STX8: variants seen among roughly 807,000 people sequenced by gnomAD.
STX8 encodes the protein syntaxin-8.
STX8 carries 23 observed loss-of-function variants against 37.5 expected under a neutral mutation model. That is an observed-to-expected ratio of 0.61 (90% CI 0.44 to 0.87). STX8 has a LOEUF of 0.87. Among genes scored for constraint, STX8 ranks in the 40% least tolerant of loss-of-function variants. STX8 has a pLI of 0.00. For missense variants in STX8, 313 were observed against 284.7 expected (o/e 1.10, Z -0.71); for synonymous variants, 115 against 99.1 (o/e 1.16, Z -0.95).
chr17:9,543,613 T>G (rs749587906), intron 4 of STX8, among the ~76,000 whole-genome samples: 5 of 152,190 alleles, frequency 3.3e-5, no homozygotes, highest in African/African-American at 7.2e-5. Flanking sequence ...GCGACAGTAC[T>G]TTCTTTTCAC....
chr17:9,485,631 G>A (rs1172536586), intron 6 of STX8, among the ~76,000 whole-genome samples: 1 of 151,178 alleles, frequency 6.6e-6, no homozygotes, highest in East Asian at 1.9e-4. Context: ...TGTCACCCAG[G>A]CTGGAGTGCA....
At chr17:9,327,000 A>G (rs916916020) in intron 7 of STX8, among the ~76,000 whole-genome samples, 2 of 152,084 alleles carry the variant, frequency 1.3e-5, no homozygotes, top group Non-Finnish European at 2.9e-5. Flanking sequence ...TCTACTAAAA[A>G]TACAAAATTA....
At chr17:9,529,610 T>C (rs934751567) in intron 4 of STX8, among the ~76,000 whole-genome samples, 3 of 152,222 alleles carry the variant, frequency 2.0e-5, no homozygotes, top group Non-Finnish European at 4.4e-5. Context: ...TCGTGATTTA[T>C]AACACTGTAA....
chr17:9,508,782 G>C (rs926035835), intron 4 of STX8, among the ~76,000 whole-genome samples: 28 of 152,176 alleles, frequency 1.8e-4, no homozygotes, highest in Non-Finnish European at 2.4e-4. Context: ...GAGAAAAGAA[G>C]GGCAAATGTA....
intron 4 of STX8, among the ~76,000 whole-genome samples, chr17:9,539,054 CA>C (rs1469258404): frequency 6.6e-6 from 1 of 152,190 alleles, no homozygotes; most frequent in African/African-American, 2.4e-5. Flanking sequence ...CTAAATTAGT[CA>C]ACCATTGCTT....
chr17:9,254,761 G>A (rs1360896057), intron 7 of STX8, among the ~76,000 whole-genome samples: 1 of 152,100 alleles, frequency 6.6e-6, no homozygotes, highest in East Asian at 1.9e-4. Flanking sequence ...TCTACACCAG[G>A]GACTGTGGGT....
chr17:9,366,568 G>A (rs928119330), intron 7 of STX8, among the ~76,000 whole-genome samples: 3 of 152,040 alleles, frequency 2.0e-5, no homozygotes, highest in African/African-American at 7.2e-5. Context: ...AATGAGCTCG[G>A]GCCCACGCTT....
intron 6 of STX8, among the ~76,000 whole-genome samples, chr17:9,444,897 G>C (rs1033286428): frequency 6.6e-6 from 1 of 152,120 alleles, no homozygotes; most frequent in Non-Finnish European, 1.5e-5. Context: ...GTTACAGAGG[G>C]GTCCAGCTCA....
chr17:9,340,237 CCTT>C (rs1345716833), intron 7 of STX8, among the ~76,000 whole-genome samples: 1 of 152,202 alleles, frequency 6.6e-6, no homozygotes, highest in Admixed American at 6.5e-5. Flanking sequence ...CCTCAGGTGA[CCTT>C]CTCTCATTTA....
At position 9,381,837 on chromosome 17, in the gene STX8, C is replaced by T. The variant is rs531525496; in HGVS notation, c.542-3184G>A. ...TACCAAAATTAGCTGGGCATGGTGG[C>T]GTGCGCCTGTAATTCCAGATACTTG... On this transcript the variant is annotated intron_variant, in intron 6 of 7. Transcript: ENST00000306357. Among the ~76,000 whole-genome samples, 10 of 152,214 alleles carry T rather than the reference C, an allele frequency of 6.6e-5. 1 individual carries two copies. In the South Asian group the frequency reaches 1.2e-3, roughly 19 times the overall value.
chr17:9,349,500 T>G (rs990694048), intron 7 of STX8, among the ~76,000 whole-genome samples: 22 of 151,786 alleles, frequency 1.4e-4, no homozygotes, highest in Non-Finnish European at 2.6e-4. Flanking sequence ...TTTTGTATTT[T>G]TAGTAGAGAT....
chr17:9,568,134 C>T (rs1907532383), intron 2 of STX8, among the ~76,000 whole-genome samples: 1 of 152,138 alleles, frequency 6.6e-6, no homozygotes, highest in Non-Finnish European at 1.5e-5. Context: ...CTGAACTAGA[C>T]TATAAAATTG....
intron 6 of STX8, among the ~76,000 whole-genome samples, chr17:9,481,493 GA>G (rs2142455214): frequency 6.6e-6 from 1 of 152,152 alleles, no homozygotes; most frequent in South Asian, 2.1e-4. Flanking sequence ...ACACAGCTCT[GA>G]GCTCACAGGC....
At chr17:9,267,922 C>A (rs1031711762) in intron 7 of STX8, among the ~76,000 whole-genome samples, 1 of 146,672 alleles carries the variant, frequency 6.8e-6, no homozygotes, top group East Asian at 2.0e-4. Flanking sequence ...ACCCGGGAGG[C>A]GGAGGTTGCA....
intron 6 of STX8, among the ~76,000 whole-genome samples, chr17:9,487,956 G>GAAAT (rs1327965586): frequency 6.6e-6 from 1 of 152,206 alleles, no homozygotes; most frequent in Non-Finnish European, 1.5e-5. Context: ...GCAGCACCTT[G>GAAAT]AAATCATCAG....
chr17:9,523,006 A>G (rs1184526808), intron 4 of STX8, among the ~76,000 whole-genome samples: 1 of 152,084 alleles, frequency 6.6e-6, no homozygotes, highest in African/African-American at 2.4e-5. Context: ...CACATTATAT[A>G]CATGTATCAA....
Position 9,430,183 on chromosome 17 carries a change from A to AAATATAAAATATATATAATTTATAT in STX8, c.542-51531_542-51530insATATAAATTATATATATTTTATATT, listed in dbSNP as rs1567557493. Among the ~76,000 whole-genome samples, 90 of 111,610 alleles carry AAATATAAAATATATATAATTTATAT rather than the reference A, an allele frequency of 8.1e-4. 1 individual carries two copies. The highest frequency in any genetic ancestry group is 3.8e-3 in the African/African-American group (86 of 22,476). 73.2% of individuals were successfully genotyped at this position (111,610 alleles called of 152,430 possible). ...ATAAAATATATATAATTTATATATA[A>AAATATAAAATATATATAATTTATAT]ATAAAATATAAATTATATATAATTT... is the stretch of plus-strand genomic sequence containing the variant. On this transcript the variant is annotated intron_variant, in intron 6 of 7. Transcript: ENST00000306357.
chr17:9,358,199 A>G (rs1910946045), intron 7 of STX8, among the ~76,000 whole-genome samples: 1 of 152,146 alleles, frequency 6.6e-6, no homozygotes, highest in Non-Finnish European at 1.5e-5. Flanking sequence ...CCAAAAAAAC[A>G]AACAAAAAAA....
At chr17:9,540,988 T>A (rs530193378) in intron 4 of STX8, among the ~76,000 whole-genome samples, 2 of 152,248 alleles carry the variant, frequency 1.3e-5, no homozygotes, top group South Asian at 4.1e-4. Context: ...GTCCACCACA[T>A]GGATCAGCCT....
Sources: gnomAD v4.1 joint callset for allele counts (sites outside exome capture counted in the v4.1 genomes callset) on GRCh38, gnomAD v4.1.1 for gene constraint, MANE v1.5 for transcripts, NCBI Gene and HGNC (gene_info 2026-07-23, HGNC 2026-07-21) for gene names.